PALM2AKAP2: variants seen among roughly 807,000 people sequenced by gnomAD.
The protein encoded by PALM2AKAP2 is PALM2-AKAP2 fusion protein.
In PALM2AKAP2, 37 loss-of-function variants were observed where a neutral mutation model predicts 71.5. The ratio of observed to expected loss-of-function variants is 0.52; its 90% confidence interval spans 0.40 to 0.68. The LOEUF is 0.68. Ranked by LOEUF, PALM2AKAP2 falls within the 30% of genes least tolerant of loss-of-function variation. PALM2AKAP2 has a pLI of 0.00. For synonymous variants in PALM2AKAP2, 468 were observed against 478.8 expected, an observed-to-expected ratio of 0.98 and a Z score of 0.29; for missense variants, 1,224 against 1,191.8, an observed-to-expected ratio of 1.03 and a Z score of -0.40.
At chr9:109,981,000 G>A (rs763992279) in intron 6 of PALM2AKAP2, among the ~76,000 whole-genome samples, 3 of 152,202 alleles carry the variant, frequency 2.0e-5, no homozygotes, top group South Asian at 2.1e-4. Context: ...ATGGGAATGC[G>A]CTTTGCATCC....
intron 1 of PALM2AKAP2, among the ~76,000 whole-genome samples, chr9:109,851,203 CAACAACA>C (rs1371953010): frequency 4.3e-5 from 2 of 46,926 alleles, no homozygotes; most frequent in East Asian, 1.4e-3. Flanking sequence ...ACAACAACAA[CAACAACA>C]AAAAAAAAAA....
chr9:110,116,881 A>T (rs2118977720), intron 1 of PALM2AKAP2, among the ~76,000 whole-genome samples: 1 of 152,368 alleles, frequency 6.6e-6, no homozygotes, highest in African/African-American at 2.4e-5. Flanking sequence ...ACATTTGTTC[A>T]CTGTGGCTCT....
chr9:110,082,044 C>A lies in PALM2AKAP2; in HGVS notation c.156+33189C>A, dbSNP rs541702643. On this transcript the variant is annotated intron_variant, in intron 1 of 3. Coordinates refer to ENST00000374525, the Ensembl canonical transcript of PALM2AKAP2. ...CACCTATCTGGTTCTTTGGTTCATA[C>A]TTTTCTGAATATATCCCAAGGTAGT... 1.9e-4 allele frequency among the ~76,000 whole-genome samples: 29 copies of A among 152,200 alleles called. 1 individual carries two copies. In the South Asian group the frequency reaches 5.8e-3, roughly 30 times the overall value.
Position 109,815,754 on chromosome 9 carries a change from G to T in PALM2AKAP2, c.45+35221G>T, listed in dbSNP as rs75812631. 4.4e-3 allele frequency among the ~76,000 whole-genome samples: 664 copies of T among 152,328 alleles called. 3 individuals are homozygous for T. Among genetic ancestry groups the T allele is most frequent in the African/African-American group, 0.015 (628 of 41,560 alleles). On this transcript the variant is annotated intron_variant, in intron 1 of 9. Coordinates refer to the PALM2AKAP2 transcript ENST00000302798. ...GAGAGGAAGTTGGGGATTAAATGAAGTCTTTGTCTCCCTAAGTGGTGTGGC... is the reference window on the plus strand; with the variant it reads ...GAGAGGAAGTTGGGGATTAAATGAATTCTTTGTCTCCCTAAGTGGTGTGGC...
At chr9:109,683,437 A>G (rs550295266) in intron 1 of PALM2AKAP2, among the ~76,000 whole-genome samples, 1 of 152,188 alleles carries the variant, frequency 6.6e-6, no homozygotes, top group Non-Finnish European at 1.5e-5. Context: ...GCTACAAGCC[A>G]AGGGACAGAA....
chr9:109,936,892 G>A (rs1460597488), intron 6 of PALM2AKAP2, among the ~76,000 whole-genome samples: 6 of 152,100 alleles, frequency 3.9e-5, no homozygotes, highest in African/African-American at 7.2e-5. Flanking sequence ...TCCTCCTCCC[G>A]TAATCACAGT....
chr9:110,045,542 G>T (rs1833580937), upstream of PALM2AKAP2, among the ~76,000 whole-genome samples: 1 of 152,030 alleles, frequency 6.6e-6, no homozygotes, highest in African/African-American at 2.4e-5. Flanking sequence ...TTCAATAAAG[G>T]TGGAGCCCAG....
chr9:110,093,019 C>T (rs1260889949), intron 1 of PALM2AKAP2, among the ~76,000 whole-genome samples: 1 of 152,000 alleles, frequency 6.6e-6, no homozygotes, highest in Non-Finnish European at 1.5e-5. Flanking sequence ...GTGAGAGCTC[C>T]CCCTAGACCA....
chr9:110,014,915 C>G (rs1481984101), intron 6 of PALM2AKAP2, among the ~76,000 whole-genome samples: 1 of 141,412 alleles, frequency 7.1e-6, no homozygotes, highest in Non-Finnish European at 1.5e-5. Context: ...CATTTTAACT[C>G]TATTCACGTA....
chr9:109,664,078 G>A (rs144516089), intron 1 of PALM2AKAP2, among the ~76,000 whole-genome samples: 2 of 152,132 alleles, frequency 1.3e-5, no homozygotes, highest in Admixed American at 6.6e-5. Context: ...GAGCCTGTGT[G>A]TGTCTTTGCA....
At chr9:109,862,858 C>G (rs749747862) in intron 1 of PALM2AKAP2, 2 of 503,558 alleles carry the variant, frequency 4.0e-6, no homozygotes, top group African/African-American at 3.9e-5. Flanking sequence ...TTAGAGGAAG[C>G]AATAAGAACA....
At chr9:110,090,470 C>T in intron 1 of PALM2AKAP2, 1 of 456,562 alleles carries the variant, frequency 2.2e-6, no homozygotes, top group South Asian at 1.5e-5. Context: ...AGGGAACTTA[C>T]ACCTTTCATG....
chr9:109,844,956 T>TGTGTGTGTGTGTGTGTGTGTGTGC (rs1587954381), intron 1 of PALM2AKAP2, among the ~76,000 whole-genome samples: 3 of 148,956 alleles, frequency 2.0e-5, no homozygotes, highest in Non-Finnish European at 4.4e-5. Flanking sequence ...TGTGTGTGTG[T>TGTGTGTGTGTGTGTGTGTGTGTGC]GTGCATGTGC....
chr9:109,903,275 C>CT (rs1438685756), intron 3 of PALM2AKAP2, among the ~76,000 whole-genome samples: 1 of 151,938 alleles, frequency 6.6e-6, no homozygotes, highest in Non-Finnish European at 1.5e-5. Flanking sequence ...CGAGACTGGC[C>CT]TTTGGTGGCA....
chr9:109,749,963 C>T (rs1379800779), intron 1 of PALM2AKAP2, among the ~76,000 whole-genome samples: 1 of 152,190 alleles, frequency 6.6e-6, no homozygotes, highest in South Asian at 2.1e-4. Context: ...CAGCTCTGGG[C>T]TGGTAGACAT....
chr9:110,083,558 G>GT (rs901428358), intron 1 of PALM2AKAP2, among the ~76,000 whole-genome samples: 2 of 152,078 alleles, frequency 1.3e-5, no homozygotes, highest in African/African-American at 2.4e-5. Context: ...AGTCTGCAAA[G>GT]TTTTTTGTTT....
intron 1 of PALM2AKAP2, among the ~76,000 whole-genome samples, chr9:110,062,728 G>T (rs1292779703): frequency 6.6e-6 from 1 of 152,068 alleles, no homozygotes; most frequent in Non-Finnish European, 1.5e-5. Context: ...CCACAGCCTG[G>T]GTAGTTTAAA....
rs1831406161 is a variant in PALM2AKAP2, at chr9:109,942,783, G to A, written c.496+10755G>A. 2.5e-6 allele frequency: 4 copies of A among 1,614,056 alleles called. No homozygotes were observed. In the African/African-American group the frequency reaches 4.0e-5, roughly 16 times the overall value. On this transcript the variant is annotated intron_variant, in intron 6 of 9. Coordinates refer to the PALM2AKAP2 transcript ENST00000302798. Reference sequence around the variant, plus strand: ...CCATTGGCCCAGAGGGGGTCCATCAGAAAGGAGTCAAAGTCTATGATGATG... The same window carrying A: ...CCATTGGCCCAGAGGGGGTCCATCAAAAAGGAGTCAAAGTCTATGATGATG...
intron 6 of PALM2AKAP2, among the ~76,000 whole-genome samples, chr9:110,001,589 A>C (rs1439354165): frequency 6.6e-6 from 1 of 152,152 alleles, no homozygotes; most frequent in Non-Finnish European, 1.5e-5. Context: ...CATTGAATCT[A>C]TAAATTACCT....
Sources: allele counts gnomAD v4.1 joint callset (sites outside exome capture counted in the v4.1 genomes callset), GRCh38; gene constraint gnomAD v4.1.1; transcripts MANE v1.5; gene names NCBI Gene and HGNC (gene_info 2026-07-23, HGNC 2026-07-21).